The following MDFIC variants were observed in gnomAD, a reference collection of about 807,000 sequenced individuals.
The protein encoded by MDFIC is MyoD family inhibitor domain containing, also known as myoD family inhibitor domain-containing protein.
A neutral mutation model predicts 23.2 loss-of-function variants in MDFIC; 17 were observed. The ratio of observed to expected loss-of-function variants is 0.73; its 90% CI spans 0.50 to 1.10. The LOEUF (loss-of-function observed/expected upper bound fraction) is 1.10, where lower values mean the gene tolerates loss of function less well. Among genes scored for constraint, MDFIC ranks in the 50% least tolerant of loss-of-function variants. The probability of loss-of-function intolerance (pLI) is 0.00; values close to 1 mark genes in which losing one functional copy is unlikely to be tolerated. For missense variants in MDFIC, 356 were observed against 316.6 expected (o/e 1.12, Z -0.95); for synonymous variants, 120 against 115.2 (o/e 1.04, Z -0.27).
rs994234774 is a variant in MDFIC at position 115,016,504 on chromosome 7, G to T, written c.*569G>T. On this transcript the variant is annotated 3_prime_UTR_variant, in exon 5 of 5. Transcript: ENST00000393486. ...AAAAGTTAGCTGGGCTTGGCGGTGTGCGCCTGTAGTCCCAGCTACTCAGGA... is the reference window on the plus strand; with the variant it reads ...AAAAGTTAGCTGGGCTTGGCGGTGTTCGCCTGTAGTCCCAGCTACTCAGGA... The T allele has an allele frequency of 6.5e-6, 1 of 154,082 alleles. No individual in the cohort carries two copies. The highest frequency in any genetic ancestry group is 2.4e-5 in the African/African-American group (1 of 41,372). The allele number at this position is 154,082 out of a possible 1,614,324, so 9.5% of individuals were successfully genotyped here.
intron 4 of MDFIC, among the ~76,000 whole-genome samples, chr7:115,009,365 A>T (rs1020063662): frequency 2.0e-5 from 3 of 152,180 alleles, no homozygotes; most frequent in Non-Finnish European, 2.9e-5. Context: ...TCTTAAAAGG[A>T]GGAAATGAAA....
At position 115,013,996 on chromosome 7, in the gene MDFIC, A is replaced by G. The variant is rs1009426377; in HGVS notation, c.494-1692A>G. ...TTTTCCAGTCGCTGCATGGACCATCATATGTAAAAGTGGGCTTGGCACTAA... is the reference window on the plus strand; with the variant it reads ...TTTTCCAGTCGCTGCATGGACCATCGTATGTAAAAGTGGGCTTGGCACTAA... On this transcript the variant is annotated intron_variant, in intron 4 of 4. Coordinates refer to ENST00000393486, the MANE Select transcript of MDFIC (RefSeq NM_001166345.3). The G allele has an allele frequency of 6.1e-6, 6 of 985,286 alleles. No individual in the cohort carries two copies. The South Asian group carries it at 2.3e-4, about 39-fold the overall frequency. The allele number at this position is 985,286 out of a possible 1,614,324, so 61.0% of individuals were successfully genotyped here. A position where few individuals can be genotyped will look rare whatever the true frequency, so the allele number is the denominator to read the frequency against.
chr7:114,958,316 G>GACCATGTAGTA (rs1190531032), intron 3 of MDFIC, among the ~76,000 whole-genome samples: 2 of 152,186 alleles, frequency 1.3e-5, no homozygotes, highest in South Asian at 4.1e-4. Flanking sequence ...AAGACCATAT[G>GACCATGTAGTA]TAAGCACAGT....
intron 4 of MDFIC, among the ~76,000 whole-genome samples, chr7:114,986,416 A>G (rs138185194): frequency 6.6e-6 from 1 of 152,252 alleles, no homozygotes; most frequent in African/African-American, 2.4e-5. Context: ...TTAAAAAGGG[A>G]TTAAGCAGAA....
chr7:114,945,124 A>C (rs1272322602), intron 3 of MDFIC, among the ~76,000 whole-genome samples: 1 of 152,170 alleles, frequency 6.6e-6, no homozygotes, highest in Non-Finnish European at 1.5e-5. Flanking sequence ...TATTCTTGAA[A>C]GTGGTTAGTG....
At chr7:115,006,147 C>T (rs1457618424) in intron 4 of MDFIC, among the ~76,000 whole-genome samples, 2 of 152,166 alleles carry the variant, frequency 1.3e-5, no homozygotes, top group African/African-American at 2.4e-5. Context: ...CCCTTGCCTC[C>T]AGGAGTCCTA....
intron 3 of MDFIC, among the ~76,000 whole-genome samples, chr7:114,970,043 T>G (rs1793178705): frequency 6.6e-6 from 1 of 152,186 alleles, no homozygotes; most frequent in Admixed American, 6.5e-5. Context: ...AATGCACCAT[T>G]TTTCCCTGGT....
chr7:114,942,815 CTGTT>C (rs1165719359), intron 3 of MDFIC, among the ~76,000 whole-genome samples: 1 of 152,130 alleles, frequency 6.6e-6, no homozygotes, highest in East Asian at 1.9e-4. Flanking sequence ...TATTTTATCA[CTGTT>C]TGTTAAAAAA....
At chr7:114,941,630 C>T (rs1204996388) in intron 2 of MDFIC, among the ~76,000 whole-genome samples, 1 of 152,136 alleles carries the variant, frequency 6.6e-6, no homozygotes, top group East Asian at 1.9e-4. Flanking sequence ...ATGCATTATA[C>T]CTTGTTGCCA....
intron 4 of MDFIC, among the ~76,000 whole-genome samples, chr7:115,014,917 T>C (rs1473111982): frequency 6.6e-6 from 1 of 152,218 alleles, no homozygotes; most frequent in Non-Finnish European, 1.5e-5. Flanking sequence ...TAGAGAGGCA[T>C]TACATTATTA....
At position 115,002,086 on chromosome 7, in the gene MDFIC, G is replaced by A. The variant is rs1373664218; in HGVS notation, c.494-13602G>A. 2.6e-5 allele frequency among the ~76,000 whole-genome samples: 4 copies of A among 152,132 alleles called. No individual in the cohort carries two copies. The East Asian group carries it at 5.8e-4, about 22-fold the overall frequency. ...CAGGAGGCAGAGGTTGCCGTGTGCC[G>A]AGATTGTGCCACTGCACTCCAGTCT... On this transcript the variant is annotated intron_variant, in intron 4 of 4. Transcript: ENST00000393486.
intron 3 of MDFIC, among the ~76,000 whole-genome samples, chr7:114,969,056 T>C (rs1328354617): frequency 6.6e-6 from 1 of 152,212 alleles, no homozygotes; most frequent in Non-Finnish European, 1.5e-5. Context: ...AATTTGACTT[T>C]GACTTTTCTG....
intron 4 of MDFIC, among the ~76,000 whole-genome samples, chr7:115,010,840 C>T (rs1331901982): frequency 1.3e-5 from 2 of 152,194 alleles, no homozygotes; most frequent in Non-Finnish European, 2.9e-5. Context: ...TGCCTTCTCT[C>T]TTATGTCTAT....
intron 4 of MDFIC, among the ~76,000 whole-genome samples, chr7:114,991,824 G>A (rs1791172563): frequency 6.6e-6 from 1 of 152,140 alleles, no homozygotes; most frequent in African/African-American, 2.4e-5. Flanking sequence ...GATTGTATTG[G>A]CAATGTGGGC....
At chr7:114,972,896 C>T (rs1385468111) in intron 3 of MDFIC, among the ~76,000 whole-genome samples, 4 of 152,036 alleles carry the variant, frequency 2.6e-5, no homozygotes, top group African/African-American at 9.7e-5. Context: ...AGGCTCTGCA[C>T]CTGGCTCAGA....
At chr7:114,929,083 A>C (rs373267883) in intron 2 of MDFIC, among the ~76,000 whole-genome samples, 4 of 5,014 alleles carry the variant, frequency 8.0e-4, no homozygotes, top group Non-Finnish European at 1.4e-3. Context: ...AGATAAATAT[A>C]GATCTATCTA....
intron 4 of MDFIC, among the ~76,000 whole-genome samples, chr7:115,003,834 C>A (rs144339348): frequency 2.6e-4 from 40 of 152,296 alleles, no homozygotes; most frequent in African/African-American, 8.9e-4. Flanking sequence ...TATGTTCTCT[C>A]CTCTTCCCTT....
At chr7:114,924,730 G>C (rs1792157298) in intron 2 of MDFIC, among the ~76,000 whole-genome samples, 1 of 151,968 alleles carries the variant, frequency 6.6e-6, no homozygotes, top group African/African-American at 2.4e-5. Flanking sequence ...CTTTAAATAG[G>C]GATCAGTTTA....
chr7:115,017,672 T>A lies in MDFIC; in HGVS notation c.*1737T>A, dbSNP rs1232687871. 3 of 152,416 alleles carry A rather than the reference T, an allele frequency of 2.0e-5. No homozygotes were observed. 9.4% of individuals were successfully genotyped at this position (152,416 alleles called of 1,614,324 possible). Reference sequence around the variant, plus strand: ...TTATTGAGACCTATAGTGTGTGGCTTAGATGAAAGGGAGAGTAAATTTTCA... The same window carrying A: ...TTATTGAGACCTATAGTGTGTGGCTAAGATGAAAGGGAGAGTAAATTTTCA... On this transcript the variant is annotated 3_prime_UTR_variant, in exon 5 of 5. Transcript: ENST00000393486.
Sources: gnomAD v4.1 joint callset for allele counts (sites outside exome capture counted in the v4.1 genomes callset) on GRCh38, gnomAD v4.1.1 for gene constraint, MANE v1.5 for transcripts, NCBI Gene and HGNC (gene_info 2026-07-23, HGNC 2026-07-21) for gene names.